GPI: variants seen among roughly 807,000 people sequenced by gnomAD.
GPI encodes the protein D-hexose-6-phosphate anomerase.
Under a neutral mutation model 75.8 loss-of-function variants are expected in GPI, and 56 were observed. The observed-to-expected ratio is 0.74, with a 90% CI of 0.60 to 0.92. The LOEUF (loss-of-function observed/expected upper bound fraction) is 0.92, where lower values mean the gene tolerates loss of function less well. GPI is among the 40% of genes least tolerant of loss of function. The probability of loss-of-function intolerance (pLI) is 0.00; values close to 1 mark genes in which losing one functional copy is unlikely to be tolerated. For synonymous variants in GPI, 288 were observed against 285.4 expected (o/e 1.01, Z -0.09); for missense variants, 638 against 741.0 (o/e 0.86, Z 1.61).
At position 34,376,358 on chromosome 19, in the gene GPI, C is replaced by T. The variant is rs1157909769; in HGVS notation, c.403-1145C>T. ...ATCACCTGAGGTCAGGAGTTTGAGA[C>T]CAGCGTGGCCAACACGGCGAAACCC... On this transcript the variant is annotated intron_variant, in intron 4 of 17. Transcript: ENST00000356487. Among the ~76,000 whole-genome samples the T allele has an allele frequency of 3.9e-5, 6 of 152,162 alleles. No individual in the cohort carries two copies. In the East Asian group the frequency reaches 1.2e-3, roughly 30 times the overall value.
upstream of GPI, among the ~76,000 whole-genome samples, chr19:34,363,554 G>A (rs1321347253): frequency 6.6e-6 from 1 of 151,882 alleles, no homozygotes; most frequent in African/African-American, 2.4e-5. Flanking sequence ...AGGCGCAGTG[G>A]CTCATGCCTG....
intron 7 of GPI, 66 bp downstream of exon 7, chr19:34,379,071 G>C (rs973781080): frequency 7.4e-7 from 1 of 1,343,716 alleles, no homozygotes; most frequent in Non-Finnish European, 1.1e-6. Flanking sequence ...GTGGGCCCCT[G>C]AGTGACCAAG....
In GPI at chr19:34,377,740, C is replaced by T. The variant is rs1262761587; in HGVS notation, c.492C>T (p.Pro164=). Residue 164 remains proline, a synonymous_variant, in exon 6 of 18, where the codon CCC becomes CCT. Transcript: ENST00000356487. ...GATGCTATGTCTCCCCGCAGGGACC[C>T]CTCATGGTGACTGAAGCCCTTAAGC... The part of the protein sequence containing the change: ...NIGIGGSDLG[P]LMVTEALKPY... 1.2e-6 allele frequency: 2 copies of T among 1,613,878 alleles called. No homozygotes were observed. Among genetic ancestry groups the T allele is most frequent in the African/African-American group, 1.3e-5 (1 of 74,884 alleles).
In GPI at chr19:34,365,332, C is replaced by G. The variant is rs11549001; in HGVS notation, c.66C>G (p.Ser22=). Residue 22 remains serine, a synonymous_variant, in exon 1 of 18, where the codon TCC becomes TCG. Transcript: ENST00000356487. ...KLQQWYREHR[S]ELNLRRLFDA... ...AGCAATGGTACCGCGAGCACCGCTC[C>G]GAGCTGAACCTGCGCCGCCTCTTCG... 4.4e-6 allele frequency: 7 copies of G among 1,591,852 alleles called. No homozygotes were observed. The highest frequency in any genetic ancestry group is 4.7e-5 in the East Asian group (2 of 42,578).
chr19:34,379,985 GTTTTGTTTTTTT>G (rs1397027664), intron 8 of GPI: 11 of 127,942 alleles, frequency 8.6e-5, no homozygotes, highest in South Asian at 3.6e-4. Flanking sequence ...AGTGTGTGTG[GTTTTGTTTTTTT>G]TTTTTTTTTT....
intron 9 of GPI, among the ~76,000 whole-genome samples, chr19:34,385,372 A>G (rs1391208010): frequency 2.6e-5 from 4 of 152,010 alleles, no homozygotes; most frequent in African/African-American, 7.2e-5. Context: ...AAAAAAAAAA[A>G]AAAAGAAAAA....
chr19:34,378,649 C>A (rs1186082134), intron 6 of GPI, among the ~76,000 whole-genome samples: 1 of 152,226 alleles, frequency 6.6e-6, no homozygotes, highest in Non-Finnish European at 1.5e-5. Context: ...GAGATACCTT[C>A]CAGCCTGGGC....
intron 4 of GPI, among the ~76,000 whole-genome samples, chr19:34,370,769 A>G (rs2074439574): frequency 6.6e-6 from 1 of 151,822 alleles, no homozygotes; most frequent in Non-Finnish European, 1.5e-5. Context: ...TCTGGAAAAA[A>G]TAAATAAATC....
chr19:34,366,406 G>C lies in GPI; in HGVS notation c.184G>C (p.Glu62Gln). The part of the protein sequence containing the change: ...LVDYSKNLVT[E>Q]DVMRMLVDLA... ...GGATTACTCCAAGAACCTGGTGACGGAGGACGTGATGCGGATGCTGGTGGA... is the reference window on the plus strand; with the variant it reads ...GGATTACTCCAAGAACCTGGTGACGCAGGACGTGATGCGGATGCTGGTGGA... Residue 62 changes from glutamate to glutamine, a missense_variant, in exon 2 of 18, where the codon GAG becomes CAG. By Grantham distance (29) the Glu-to-Gln change is conservative (BLOSUM62 2). Coordinates refer to ENST00000356487, the MANE Select transcript of GPI (RefSeq NM_000175.5). 1 of 1,613,474 alleles carries C rather than the reference G, an allele frequency of 6.2e-7. No individual in the cohort carries two copies. The highest frequency in any genetic ancestry group is 8.5e-7 in the Non-Finnish European group (1 of 1,179,364).
At chr19:34,382,618 C>T (rs1158170629) in intron 9 of GPI, among the ~76,000 whole-genome samples, 1 of 152,132 alleles carries the variant, frequency 6.6e-6, no homozygotes, top group Non-Finnish European at 1.5e-5. Context: ...AGGCACCTTC[C>T]ACCTCCTCCT....
intron 4 of GPI, 47 bp from the exon 5 acceptor site, chr19:34,377,456 A>G (rs2074563880): frequency 7.2e-7 from 1 of 1,381,704 alleles, no homozygotes; most frequent in Non-Finnish European, 1.0e-6. Flanking sequence ...TGAGCAGCGG[A>G]TTATGCCTGG....
Position 34,400,014 on chromosome 19 carries a change from A to T in GPI, c.1655A>T (p.Gln552Leu). ...GGGCTCATCAACTTCATCAAGCAGC[A>T]GCGCGAGGCCAGAGTCCAATAAACT... ...TNGLINFIKQ[Q>L]REARVQ is the part of the protein sequence containing the mutation. The change falls in exon 18 of 18, where the codon CAG becomes CTG. Residue 552 changes from glutamine (Q) to leucine (L), a missense_variant. Transcript: ENST00000356487. 6.2e-7 allele frequency: 1 copy of T among 1,613,184 alleles called. No homozygotes were observed. Among genetic ancestry groups the T allele is most frequent in the East Asian group, 2.2e-5 (1 of 44,878 alleles).
intron 9 of GPI, among the ~76,000 whole-genome samples, chr19:34,388,298 G>C (rs1386398416): frequency 6.6e-6 from 1 of 152,184 alleles, no homozygotes; most frequent in Admixed American, 6.5e-5. Flanking sequence ...TCAACACGGT[G>C]AAACCCCATC....
chr19:34,379,255 C>T (rs980635095), intron 7 of GPI, among the ~76,000 whole-genome samples: 1 of 152,212 alleles, frequency 6.6e-6, no homozygotes, highest in Non-Finnish European at 1.5e-5. Flanking sequence ...AGGCCCTTGG[C>T]GCTGCAGGAA....
Position 34,378,963 on chromosome 19 carries a change from T to C in GPI, c.663T>C (p.Asn221=). The change falls in exon 7 of 18, where the codon AAT becomes AAC. Residue 221 remains asparagine, a synonymous_variant. Transcript: ENST00000356487. ...TTACTACCCAGGAGACCATCACGAA[T>C]GCAGAGACGGCGAAGGAGTGGTTTC... The part of the protein sequence containing the change: ...KTFTTQETIT[N]AETAKEWFLQ... 1.2e-6 allele frequency: 2 copies of C among 1,614,192 alleles called. No homozygotes were observed. Among genetic ancestry groups the C allele is most frequent in the Non-Finnish European group, 1.7e-6 (2 of 1,180,018 alleles).
upstream of GPI, chr19:34,365,182 C>T: frequency 3.9e-6 from 5 of 1,297,364 alleles, no homozygotes; most frequent in Non-Finnish European, 3.9e-6. Context: ...GGCCGCCGCG[C>T]GCCCACGCGC....
intron 9 of GPI, among the ~76,000 whole-genome samples, chr19:34,384,657 G>A (rs930978450): frequency 6.6e-6 from 1 of 152,190 alleles, no homozygotes; most frequent in African/African-American, 2.4e-5. Context: ...GATATGAAGT[G>A]AAGGCAGGTG....
chr19:34,374,869 C>T (rs2074510298), intron 4 of GPI, among the ~76,000 whole-genome samples: 2 of 151,734 alleles, frequency 1.3e-5, no homozygotes, highest in South Asian at 2.1e-4. Context: ...GCTGGGACTA[C>T]AGGCACATGT....
chr19:34,395,089 G>C (rs2074925058), intron 12 of GPI, among the ~76,000 whole-genome samples: 14 of 152,172 alleles, frequency 9.2e-5, no homozygotes, highest in Admixed American at 9.2e-4. Flanking sequence ...GGTACAGAAG[G>C]CTTCACCAAC....
Sources: allele counts gnomAD v4.1 joint callset (sites outside exome capture counted in the v4.1 genomes callset), GRCh38; gene constraint gnomAD v4.1.1; transcripts MANE v1.5; gene names NCBI Gene and HGNC (gene_info 2026-07-23, HGNC 2026-07-21).